SH3RF3: variants seen among roughly 807,000 people sequenced by gnomAD.
SH3RF3 encodes the protein SH3 domain containing ring finger 3.
A neutral mutation model predicts 66.3 loss-of-function variants in SH3RF3; 29 were observed. The ratio of observed to expected loss-of-function variants is 0.44; its 90% CI spans 0.33 to 0.60. SH3RF3 has a LOEUF of 0.60. Among genes scored for constraint, SH3RF3 ranks in the 20% least tolerant of loss-of-function variants. The pLI, the probability that SH3RF3 is intolerant of heterozygous loss-of-function variation, is 0.04. For missense variants in SH3RF3, 1,194 were observed against 1,190.9 expected, an observed-to-expected ratio of 1.00 and a Z score of -0.04; for synonymous variants, 583 against 532.0, an observed-to-expected ratio of 1.10 and a Z score of -1.32.
intron 1 of SH3RF3, among the ~76,000 whole-genome samples, chr2:109,170,299 CTTCTCTTCTCT>C (rs1558938309): frequency 5.7e-5 from 7 of 123,218 alleles, no homozygotes; most frequent in African/African-American, 1.9e-4. Flanking sequence ...CTTCTCTTCT[CTTCTCTTCTCT>C]TCTCTCCTCT....
In SH3RF3 at chr2:109,485,166, A is replaced by C. The variant is rs74555996; in HGVS notation, c.2149-5439A>C. On this transcript the variant is annotated intron_variant, in intron 8 of 9. Coordinates refer to ENST00000309415, the MANE Select transcript of SH3RF3 (RefSeq NM_001099289.3). ...CTGACCCAGCGTTTGGTGTGTGCCC[A>C]ACCAATGCAAACTGATCTTAAATAT... Among the ~76,000 whole-genome samples, 71 of 152,352 alleles carry C rather than the reference A, an allele frequency of 4.7e-4. No homozygotes were observed. In the East Asian group the frequency reaches 0.013, roughly 27 times the overall value.
At chr2:109,371,795 C>A in intron 3 of SH3RF3, 114 bp downstream of exon 3, 2 of 863,088 alleles carry the variant, frequency 2.3e-6, no homozygotes, top group Admixed American at 2.1e-5. Context: ...GGATCCTCCA[C>A]AATAGCCTCT....
At chr2:109,193,718 C>T (rs998907885) in intron 1 of SH3RF3, among the ~76,000 whole-genome samples, 1 of 152,154 alleles carries the variant, frequency 6.6e-6, no homozygotes, top group African/African-American at 2.4e-5. Flanking sequence ...ATGTAGTATA[C>T]ATTCTGACCC....
intron 4 of SH3RF3, among the ~76,000 whole-genome samples, chr2:109,410,117 C>G (rs1205072062): frequency 6.6e-6 from 1 of 152,170 alleles, no homozygotes; most frequent in African/African-American, 2.4e-5. Context: ...CATTAAAATG[C>G]AGCGGAGGAG....
At chr2:109,442,294 G>C (rs1320022728) in intron 7 of SH3RF3, among the ~76,000 whole-genome samples, 1 of 146,750 alleles carries the variant, frequency 6.8e-6, no homozygotes, top group Admixed American at 6.8e-5. Flanking sequence ...CTGGGCAACG[G>C]AGTGAGACTC....
chr2:109,472,312 T>G (rs1020233095), intron 8 of SH3RF3, among the ~76,000 whole-genome samples: 1 of 150,778 alleles, frequency 6.6e-6, no homozygotes, highest in African/African-American at 2.4e-5. Context: ...GCCAGGGGCC[T>G]CCCGGGCCCT....
chr2:109,467,456 C>G (rs1033391631), intron 8 of SH3RF3, among the ~76,000 whole-genome samples: 1 of 152,134 alleles, frequency 6.6e-6, no homozygotes, highest in Non-Finnish European at 1.5e-5. Flanking sequence ...GAAAGCAGCT[C>G]GGGGGTTTCC....
rs191158673 is a variant in SH3RF3, at chr2:109,447,889, G to C, written c.1829-1281G>C. On this transcript the variant is annotated intron_variant, in intron 7 of 9. Transcript: ENST00000309415. ...GCAGCAAGGTGGTGGATCCACAGTT[G>C]TAAGGTTCCAGTTTTGTAAACCTGG... Among the ~76,000 whole-genome samples, 23 of 152,310 alleles carry C rather than the reference G, an allele frequency of 1.5e-4. 1 individual carries two copies. Among genetic ancestry groups the C allele is most frequent in the African/African-American group, 5.3e-4 (22 of 41,554 alleles).
At chr2:109,238,925 A>G (rs1031575338) in intron 1 of SH3RF3, among the ~76,000 whole-genome samples, 5 of 152,168 alleles carry the variant, frequency 3.3e-5, no homozygotes, top group African/African-American at 1.2e-4. Flanking sequence ...GGGTGCATGC[A>G]TCAGAGACAA....
intron 2 of SH3RF3, among the ~76,000 whole-genome samples, chr2:109,359,714 C>T (rs1418897295): frequency 6.6e-6 from 1 of 152,114 alleles, no homozygotes; most frequent in African/African-American, 2.4e-5. Context: ...CCACACCTGA[C>T]CTTATGTAAT....
chr2:109,214,265 G>T (rs1679058648), intron 1 of SH3RF3, among the ~76,000 whole-genome samples: 1 of 152,114 alleles, frequency 6.6e-6, no homozygotes, highest in Admixed American at 6.5e-5. Context: ...CACCCAAAGG[G>T]AGTGGCCCCA....
chr2:109,436,024 G>GT, intron 6 of SH3RF3, among the ~76,000 whole-genome samples: 1 of 152,254 alleles, frequency 6.6e-6, no homozygotes, highest in East Asian at 1.9e-4. Context: ...CCTGCTAGAG[G>GT]TCGTGCCCAG....
intron 1 of SH3RF3, among the ~76,000 whole-genome samples, chr2:109,264,117 A>C (rs1308183710): frequency 1.3e-5 from 2 of 151,030 alleles, no homozygotes; most frequent in Non-Finnish European, 2.9e-5. Context: ...CTACCTGTCC[A>C]CCTCCCCAGG....
At chr2:109,388,844 G>A (rs986227470) in intron 3 of SH3RF3, among the ~76,000 whole-genome samples, 18 of 152,140 alleles carry the variant, frequency 1.2e-4, no homozygotes, top group Non-Finnish European at 2.5e-4. Flanking sequence ...CTAGAGAGAA[G>A]GGGGTATAGA....
At chr2:109,446,150 A>T (rs1677698187) in intron 7 of SH3RF3, among the ~76,000 whole-genome samples, 1 of 152,200 alleles carries the variant, frequency 6.6e-6, no homozygotes, top group Non-Finnish European at 1.5e-5. Flanking sequence ...AAATCCTACC[A>T]GAGATGAGCA....
At chr2:109,374,988 A>G (rs943224260) in intron 3 of SH3RF3, among the ~76,000 whole-genome samples, 6 of 152,206 alleles carry the variant, frequency 3.9e-5, no homozygotes, top group African/African-American at 1.4e-4. Context: ...GCTGAAGGGC[A>G]CACACCTGGC....
rs530199103 is a variant in SH3RF3 at position 109,160,349 on chromosome 2, A to C, written c.573+30236A>C. Among the ~76,000 whole-genome samples, 4 of 152,322 alleles carry C rather than the reference A, an allele frequency of 2.6e-5. No individual in the cohort carries two copies. The South Asian group carries it at 8.3e-4, about 32-fold the overall frequency. ...GCAGCCCATGCTTTGTTGGGTGAGAAGGCAAGAAACACATTTGTGTGCCCA... is the reference window on the plus strand; with the variant it reads ...GCAGCCCATGCTTTGTTGGGTGAGACGGCAAGAAACACATTTGTGTGCCCA... On this transcript the variant is annotated intron_variant, in intron 1 of 9. Transcript: ENST00000309415.
rs1220890537 is a variant in SH3RF3, at chr2:109,502,905, G to C, written c.*1234G>C. The C allele has an allele frequency of 6.6e-6, 1 of 152,164 alleles. No individual in the cohort carries two copies. Among genetic ancestry groups the C allele is most frequent in the Non-Finnish European group, 1.5e-5 (1 of 68,040 alleles). 9.4% of individuals were successfully genotyped at this position (152,164 alleles called of 1,614,324 possible). On this transcript the variant is annotated 3_prime_UTR_variant, in exon 10 of 10. Transcript: ENST00000309415. ...TCTTCTTTTTTAAAAATAAATAACT[G>C]CTCCCATTTCAGGCAGTGCAAACCT...
intron 1 of SH3RF3, among the ~76,000 whole-genome samples, chr2:109,172,405 C>T (rs1677806970): frequency 6.6e-6 from 1 of 152,222 alleles, no homozygotes; most frequent in Admixed American, 6.5e-5. Context: ...TGGAGGTCTT[C>T]CTTTTTCTGT....
Sources: gnomAD v4.1 joint callset for allele counts (sites outside exome capture counted in the v4.1 genomes callset) on GRCh38, gnomAD v4.1.1 for gene constraint, MANE v1.5 for transcripts, NCBI Gene and HGNC (gene_info 2026-07-23, HGNC 2026-07-21) for gene names.